CDADC1: variants seen among roughly 807,000 people sequenced by gnomAD.
CDADC1 encodes the protein dCTP deaminase.
CDADC1 carries 39 observed loss-of-function variants against 54.9 expected under a neutral mutation model. That is an observed-to-expected ratio of 0.71 (90% CI 0.55 to 0.93). The LOEUF is 0.93. CDADC1 is among the 40% of genes least tolerant of loss of function. The pLI, the probability that CDADC1 is intolerant of heterozygous loss-of-function variation, is 0.00. For missense variants in CDADC1, 518 were observed against 618.8 expected (o/e 0.84, Z 1.73); for synonymous variants, 186 against 204.0 (o/e 0.91, Z 0.75).
In CDADC1 at chr13:49,292,611, C is replaced by G. The variant is rs1345728460; in HGVS notation, c.*854C>G. ...TGGCTTTGATCTTCAAAAGGAAGAG[C>G]CTTTTAAAAACATTTGCCAACCTCA... On this transcript the variant is annotated 3_prime_UTR_variant, in exon 10 of 10. Coordinates refer to ENST00000251108, the MANE Select transcript of CDADC1 (RefSeq NM_030911.4). 7.7e-6 allele frequency: 9 copies of G among 1,163,424 alleles called. No individual in the cohort carries two copies. The African/African-American group carries it at 8.1e-5, about 10-fold the overall frequency. The allele number at this position is 1,163,424 out of a possible 1,614,324, so 72.1% of individuals were successfully genotyped here.
At chr13:49,283,220 G>GAAAC (rs1288072529) in intron 8 of CDADC1, among the ~76,000 whole-genome samples, 3 of 151,906 alleles carry the variant, frequency 2.0e-5, no homozygotes, top group African/African-American at 7.3e-5. Context: ...TTTAAATATA[G>GAAAC]AAACATACTA....
chr13:49,274,985 T>C (rs982392450), intron 6 of CDADC1, among the ~76,000 whole-genome samples: 4 of 152,160 alleles, frequency 2.6e-5, no homozygotes, highest in Admixed American at 2.0e-4. Context: ...GTGAATATTA[T>C]TAATGTTACT....
intron 4 of CDADC1, chr13:49,266,065 T>G: frequency 1.9e-6 from 1 of 523,030 alleles, no homozygotes; most frequent in Non-Finnish European, 2.9e-6. Context: ...TACCAGGGAG[T>G]GGATAGAATG....
At chr13:49,256,915 A>G (rs1435024199) in intron 3 of CDADC1, among the ~76,000 whole-genome samples, 2 of 152,246 alleles carry the variant, frequency 1.3e-5, no homozygotes, top group Non-Finnish European at 2.9e-5. Flanking sequence ...GTACTAGTCC[A>G]TATACAAAAC....
chr13:49,252,521 A>G (rs1440007573), intron 2 of CDADC1, among the ~76,000 whole-genome samples: 1 of 152,218 alleles, frequency 6.6e-6, no homozygotes, highest in African/African-American at 2.4e-5. Flanking sequence ...GAAGTATATA[A>G]TTTCATTAGT....
chr13:49,286,238 C>G lies in CDADC1; in HGVS notation c.1427C>G (p.Ser476Ter). The change falls in exon 9 of 10, where the codon TCA becomes TGA. Residue 476 changes from serine (S) to a stop codon, truncating the protein, a stop_gained. Transcript: ENST00000251108. LOFTEE classifies it low-confidence loss of function (END_TRUNC). ...VSKFTWQLNP[S>*]GAYGLEQNEP... is the part of the protein sequence containing the mutation. ...CTCTTACAGTGGCAGCTGAATCCAT[C>G]AGGAGCTTATGGTCTTGAACAAAAT... is the stretch of plus-strand genomic sequence containing the variant. 6.2e-7 allele frequency: 1 copy of G among 1,613,476 alleles called. No individual in the cohort carries two copies. The highest frequency in any genetic ancestry group is 8.5e-7 in the Non-Finnish European group (1 of 1,179,446).
At chr13:49,254,684 A>T (rs924493766) in intron 2 of CDADC1, among the ~76,000 whole-genome samples, 2 of 152,150 alleles carry the variant, frequency 1.3e-5, no homozygotes, top group African/African-American at 4.8e-5. Flanking sequence ...TACAGGTGTG[A>T]GCCACTGCAC....
chr13:49,289,983 A>T (rs914251517), intron 9 of CDADC1, among the ~76,000 whole-genome samples: 1 of 152,128 alleles, frequency 6.6e-6, no homozygotes. Flanking sequence ...GAGGTTGAGG[A>T]TGCAGTGAGC....
chr13:49,270,709 C>G (rs757739677), intron 5 of CDADC1, among the ~76,000 whole-genome samples: 14 of 152,038 alleles, frequency 9.2e-5, no homozygotes, highest in Non-Finnish European at 1.6e-4. Context: ...CATCAAACTT[C>G]AAAAAAACTG....
chr13:49,270,232 A>AT (rs980982485), intron 5 of CDADC1, among the ~76,000 whole-genome samples: 9 of 151,770 alleles, frequency 5.9e-5, no homozygotes, highest in Non-Finnish European at 7.4e-5. Context: ...ATTTTATTTT[A>AT]TTTTTTTTGA....
chr13:49,288,092 T>C (rs1296908268), intron 9 of CDADC1, among the ~76,000 whole-genome samples: 3 of 152,130 alleles, frequency 2.0e-5, no homozygotes, highest in Non-Finnish European at 4.4e-5. Context: ...TATTCCTAGA[T>C]TACTAAGGAA....
intron 4 of CDADC1, among the ~76,000 whole-genome samples, chr13:49,260,949 A>G (rs947849846): frequency 6.6e-6 from 1 of 152,186 alleles, no homozygotes; most frequent in African/African-American, 2.4e-5. Context: ...TAGGTAGAGG[A>G]AGAGGAACAC....
At chr13:49,259,701 G>C (rs1467514867) in intron 4 of CDADC1, among the ~76,000 whole-genome samples, 178 bp downstream of exon 4, 2 of 152,026 alleles carry the variant, frequency 1.3e-5, no homozygotes, top group African/African-American at 2.4e-5. Flanking sequence ...AAATAAGTTA[G>C]CTAGGCATGG....
In CDADC1 at chr13:49,267,613, G is replaced by A; in HGVS notation, c.554G>A (p.Arg185Gln). ...KAVERLKSNS[R>Q]AHVCVLLQPL... ...GTGGAAAGATTGAAGTCAAACAGTC[G>A]GGCCCATGTGTGTGTCTTACTTCAA... The change falls in exon 5 of 10, where the codon CGG (arginine) becomes CAG (glutamine). Residue 185 changes from arginine to glutamine, a missense_variant. By Grantham distance (43) the Arg-to-Gln change is conservative (BLOSUM62 1). Transcript: ENST00000251108. 4 of 1,614,032 alleles carry A rather than the reference G, an allele frequency of 2.5e-6. No homozygotes were observed. The highest frequency in any genetic ancestry group is 3.4e-6 in the Non-Finnish European group (4 of 1,179,994).
chr13:49,268,191 G>A (rs1952872089), intron 5 of CDADC1, 132 bp downstream of exon 5: 7 of 717,074 alleles, frequency 9.8e-6, no homozygotes, highest in African/African-American at 1.8e-5. Context: ...ATATAGAGAA[G>A]TTAGTGAGAC....
chr13:49,286,098 C>T (rs1953506477), intron 8 of CDADC1, 124 bp from the exon 9 acceptor site: 2 of 729,400 alleles, frequency 2.7e-6, no homozygotes, highest in Non-Finnish European at 4.6e-6. Context: ...ACAGGTGTGA[C>T]CCACTATGCC....
Position 49,291,892 on chromosome 13 carries a change from C to A in CDADC1, c.*135C>A. On this transcript the variant is annotated 3_prime_UTR_variant, in exon 10 of 10. Coordinates refer to ENST00000251108, the MANE Select transcript of CDADC1 (RefSeq NM_030911.4). ...ATTTTTTAAGGAAGCTAATTTATTT[C>A]TAGGATACAAATGGTGTTAATAAGA... 1 of 1,431,898 alleles carries A rather than the reference C, an allele frequency of 7.0e-7. No individual in the cohort carries two copies. The highest frequency in any genetic ancestry group is 9.2e-7 in the Non-Finnish European group (1 of 1,091,028). 88.7% of individuals were successfully genotyped at this position (1,431,898 alleles called of 1,614,324 possible).
intron 7 of CDADC1, among the ~76,000 whole-genome samples, chr13:49,278,857 G>T (rs748851802): frequency 3.9e-5 from 6 of 152,136 alleles, no homozygotes; most frequent in Non-Finnish European, 8.8e-5. Context: ...TCTGGAGCAC[G>T]CATTTATTAA....
chr13:49,274,254 A>G, intron 5 of CDADC1, 37 bp from the exon 6 acceptor site: 8 of 1,509,248 alleles, frequency 5.3e-6, no homozygotes, highest in African/African-American at 1.4e-5. Flanking sequence ...CTAACATATC[A>G]TAATTTTTAC....
Sources: allele counts gnomAD v4.1 joint callset (sites outside exome capture counted in the v4.1 genomes callset), GRCh38; gene constraint gnomAD v4.1.1; transcripts MANE v1.5; gene names NCBI Gene and HGNC (gene_info 2026-07-23, HGNC 2026-07-21).